HMG20A: variants seen among roughly 807,000 people sequenced by gnomAD.
HMG20A encodes the protein high mobility group protein 20A.
Under a neutral mutation model 43.9 loss-of-function variants are expected in HMG20A, and 17 were observed. That is an observed-to-expected ratio of 0.39 (90% CI 0.27 to 0.58). HMG20A has a LOEUF of 0.58. Among genes scored for constraint, HMG20A ranks in the 20% least tolerant of loss-of-function variants. The pLI, the probability that HMG20A is intolerant of heterozygous loss-of-function variation, is 0.59. For synonymous variants in HMG20A, 132 were observed against 147.5 expected, an observed-to-expected ratio of 0.89 and a Z score of 0.76; for missense variants, 341 against 438.2, an observed-to-expected ratio of 0.78 and a Z score of 1.98.
rs1186524804 is a variant in HMG20A at position 77,467,261 on chromosome 15, G to A, written c.404G>A (p.Arg135Lys). 1.9e-6 allele frequency: 3 copies of A among 1,614,094 alleles called. No homozygotes were observed. The highest frequency in any genetic ancestry group is 2.5e-6 in the Non-Finnish European group (3 of 1,179,982). Residue 135 changes from arginine (R) to lysine (K), a missense_variant, in exon 4 of 10, where the codon AGG becomes AAG. Physicochemically the swap from Arg to Lys is conservative, Grantham distance 26 (BLOSUM62 2). Around this residue, in one of 3 missense-constraint regions of HMG20A, gnomAD observed 220 missense variants for 263.6 expected, o/e 0.83. Coordinates refer to ENST00000336216, the MANE Select transcript of HMG20A (RefSeq NM_001304504.2). ...RPEVPFPEITRMLGNEWSKLP... is the reference protein window; with the variant it reads ...RPEVPFPEITKMLGNEWSKLP... Reference sequence around the variant, plus strand: ...GAAGTCCCATTTCCAGAAATCACAAGGATGTTAGGCAATGAATGGAGTAAA... The same window carrying A: ...GAAGTCCCATTTCCAGAAATCACAAAGATGTTAGGCAATGAATGGAGTAAA...
At chr15:77,424,360 TAGGCCCAAATTC>T (rs1424678861) in intron 1 of HMG20A, among the ~76,000 whole-genome samples, 2 of 152,224 alleles carry the variant, frequency 1.3e-5, no homozygotes, top group Admixed American at 1.3e-4. Flanking sequence ...TGGGATCAGA[TAGGCCCAAATTC>T]AGCACTGGTC....
At chr15:77,466,665 C>G (rs2072759421) in intron 3 of HMG20A, among the ~76,000 whole-genome samples, 2 of 152,174 alleles carry the variant, frequency 1.3e-5, no homozygotes, top group Admixed American at 1.3e-4. Flanking sequence ...TCTAATCTGA[C>G]AATGTCTGCC....
At chr15:77,431,585 A>G (rs2073485404) in intron 1 of HMG20A, among the ~76,000 whole-genome samples, 1 of 152,138 alleles carries the variant, frequency 6.6e-6, no homozygotes, top group African/African-American at 2.4e-5. Context: ...TGAAATATGT[A>G]TACATTGTGG....
chr15:77,423,377 G>A (rs924274853), intron 1 of HMG20A, among the ~76,000 whole-genome samples: 1 of 150,720 alleles, frequency 6.6e-6, no homozygotes, highest in East Asian at 1.9e-4. Context: ...TCCTCCAAAG[G>A]TTTTTTTTTC....
At chr15:77,435,019 A>T (rs1475025775) in intron 1 of HMG20A, among the ~76,000 whole-genome samples, 3 of 152,194 alleles carry the variant, frequency 2.0e-5, no homozygotes, top group Non-Finnish European at 4.4e-5. Flanking sequence ...TACATGGATG[A>T]TCACCAAGCA....
At chr15:77,438,707 CTAGCATT>C (rs1220556812) in intron 1 of HMG20A, among the ~76,000 whole-genome samples, 1 of 152,188 alleles carries the variant, frequency 6.6e-6, no homozygotes, top group Non-Finnish European at 1.5e-5. Flanking sequence ...TTTCAGGCTA[CTAGCATT>C]TCCCAAAACC....
At chr15:77,449,837 A>G (rs1595919626) in intron 1 of HMG20A, among the ~76,000 whole-genome samples, 2 of 152,202 alleles carry the variant, frequency 1.3e-5, no homozygotes, top group Admixed American at 1.3e-4. Flanking sequence ...CATAGTGTCC[A>G]TCACTCTTGG....
At chr15:77,421,876 T>C (rs2073357536) in intron 1 of HMG20A, among the ~76,000 whole-genome samples, 2 of 152,366 alleles carry the variant, frequency 1.3e-5, no homozygotes, top group Non-Finnish European at 1.5e-5. Flanking sequence ...TTTTCCTCCT[T>C]TGTAATTTAA....
chr15:77,450,817 A>G (rs187313593), intron 1 of HMG20A, among the ~76,000 whole-genome samples: 15 of 152,330 alleles, frequency 9.8e-5, no homozygotes, highest in African/African-American at 3.6e-4. Context: ...GTATTTTCAT[A>G]CAATGAAGGA....
At position 77,477,546 on chromosome 15, in the gene HMG20A, G is replaced by C; in HGVS notation, c.616-9G>C. ...AAGAATTAACTGTTTTGTTCCTCTT[G>C]ATTCACAGAAAGAAACAGAGGTAAA... On this transcript the variant is annotated splice_polypyrimidine_tract_variant and intron_variant, in intron 6 of 9. Transcript: ENST00000336216. 6.3e-7 allele frequency: 1 copy of C among 1,593,036 alleles called. No individual in the cohort carries two copies. The highest frequency in any genetic ancestry group is 1.1e-5 in the South Asian group (1 of 90,042).
chr15:77,425,640 A>T (rs1309440236), intron 1 of HMG20A, among the ~76,000 whole-genome samples: 2 of 152,214 alleles, frequency 1.3e-5, no homozygotes, highest in African/African-American at 4.8e-5. Flanking sequence ...TGAAGATGGT[A>T]GGTGTTTGAG....
In HMG20A at chr15:77,433,536, C is replaced by G. The variant is rs1021284395; in HGVS notation, c.-5+12532C>G. 1.2e-4 allele frequency among the ~76,000 whole-genome samples: 19 copies of G among 152,070 alleles called. 1 individual carries two copies. The highest frequency in any genetic ancestry group is 4.6e-4 in the African/African-American group (19 of 41,404). On this transcript the variant is annotated intron_variant, in intron 1 of 9. Transcript: ENST00000336216. ...GTGATATTTTGAGAGAAGATATTTA[C>G]AGAGCAATCTCTTTCGTGAACCTAA...
At chr15:77,471,884 G>T in intron 6 of HMG20A, 70 bp downstream of exon 6, 9 of 834,400 alleles carry the variant, frequency 1.1e-5, no homozygotes, top group East Asian at 2.9e-5. Flanking sequence ...AATGCTATTG[G>T]ATTTTTTTTT....
chr15:77,467,624 G>A (rs2072769008), intron 4 of HMG20A, among the ~76,000 whole-genome samples: 1 of 152,162 alleles, frequency 6.6e-6, no homozygotes, highest in South Asian at 2.1e-4. Context: ...GTATTCCACT[G>A]AGTTAAATGA....
At chr15:77,443,340 ATATC>A (rs1374772811) in intron 1 of HMG20A, among the ~76,000 whole-genome samples, 9 of 143,920 alleles carry the variant, frequency 6.3e-5, no homozygotes, top group Admixed American at 1.4e-4. Context: ...TTGTTCTTAT[ATATC>A]TATTTTTTAT....
chr15:77,429,859 AAGT>A (rs1383698057), intron 1 of HMG20A, among the ~76,000 whole-genome samples: 7 of 152,240 alleles, frequency 4.6e-5, no homozygotes, highest in African/African-American at 1.7e-4. Flanking sequence ...TCAGAAGAAA[AAGT>A]AGAAAAACTA....
chr15:77,433,735 TATAAAAC>T (rs1234657970), intron 1 of HMG20A, among the ~76,000 whole-genome samples: 2 of 152,162 alleles, frequency 1.3e-5, no homozygotes, highest in African/African-American at 4.8e-5. Flanking sequence ...CACAGAAAAC[TATAAAAC>T]ATAGAGAGAA....
chr15:77,464,743 A>G (rs35347401), intron 3 of HMG20A: 13,919 of 176,670 alleles, frequency 0.079, 687 homozygotes, highest in Non-Finnish European at 0.1. Flanking sequence ...ATGGAGCCCT[A>G]TGTGCCCAAA....
At chr15:77,443,364 G>T (rs1286737051) in intron 1 of HMG20A, among the ~76,000 whole-genome samples, 3 of 125,056 alleles carry the variant, frequency 2.4e-5, no homozygotes, top group Non-Finnish European at 5.3e-5. Context: ...TGATGATGAT[G>T]ATGATGATGA....
Sources: allele counts gnomAD v4.1 joint callset (sites outside exome capture counted in the v4.1 genomes callset), GRCh38; gene constraint gnomAD v4.1.1; regional missense constraint gnomAD v4.1.1; transcripts MANE v1.5; gene names NCBI Gene and HGNC (gene_info 2026-07-23, HGNC 2026-07-21).